The following MYBPC2 variants were observed in gnomAD, a reference collection of about 807,000 sequenced individuals.
MYBPC2 encodes myosin-binding protein C, fast-type.
A neutral mutation model predicts 137.0 loss-of-function variants in MYBPC2; 122 were observed. That is an observed-to-expected ratio of 0.89 (90% CI 0.77 to 1.03). The LOEUF is 1.03. Among genes scored for constraint, MYBPC2 ranks in the 50% least tolerant of loss-of-function variants. The pLI is 0.00. For missense variants in MYBPC2, 1,500 were observed against 1,534.4 expected (o/e 0.98, Z 0.37); for synonymous variants, 626 against 612.3 (o/e 1.02, Z -0.33).
At chr19:50,448,155 G>A in intron 12 of MYBPC2, 70 bp from the exon 13 acceptor site, 6 of 1,511,244 alleles carry the variant, frequency 4.0e-6, no homozygotes, top group Non-Finnish European at 5.3e-6. Context: ...CTGGCACACA[G>A]TGGGTGCTCA....
rs763276401 is a variant in MYBPC2 at position 50,466,231 on chromosome 19, A to G, written c.*26A>G. 6 of 1,613,652 alleles carry G rather than the reference A, an allele frequency of 3.7e-6. No homozygotes were observed. Among genetic ancestry groups the G allele is most frequent in the Admixed American group, 1.7e-5 (1 of 59,976 alleles). On this transcript the variant is annotated 3_prime_UTR_variant, in exon 28 of 28. Transcript: ENST00000357701. The surrounding 1 kb of genome is among the most constrained non-coding windows in gnomAD (Gnocchi z 4.9). ...GACCTGTCCCCTACCTGCCAAGACA[A>G]TTGGTGGTGGAGTCCTGACCCCAAT...
Position 50,458,726 on chromosome 19 carries a change from C to T in MYBPC2, c.2478C>T (p.Ala826=). ...IAGRSEPATL[A]QPVTIREIAE... is the part of the protein sequence containing the mutation. ...GGCGCAGCGAGCCGGCCACCCTGGCCCAGCCGGTCACCATCAGGGAGATTG... is the reference window on the plus strand; with the variant it reads ...GGCGCAGCGAGCCGGCCACCCTGGCTCAGCCGGTCACCATCAGGGAGATTG... The change falls in exon 21 of 28, where the codon GCC becomes GCT. Residue 826 remains alanine, a synonymous_variant. Coordinates refer to ENST00000357701, the MANE Select transcript of MYBPC2 (RefSeq NM_004533.4). 1 of 1,609,016 alleles carries T rather than the reference C, an allele frequency of 6.2e-7. No homozygotes were observed. The highest frequency in any genetic ancestry group is 1.1e-5 in the South Asian group (1 of 91,078).
Position 50,459,093 on chromosome 19 carries a change from C to T in MYBPC2, c.2596-18C>T. The T allele has an allele frequency of 3.2e-6, 5 of 1,552,454 alleles. No individual in the cohort carries two copies. Among genetic ancestry groups the T allele is most frequent in the Non-Finnish European group, 4.4e-6 (5 of 1,148,884 alleles). ...TGGAGCCCCGCTGACCCCACCCCGC[C>T]CCGCCCTCTCCCCGCAGGGAAAGCC... On this transcript the variant is annotated intron_variant, in intron 22 of 27. Transcript: ENST00000357701.
Position 50,436,634 on chromosome 19 carries a change from G to A in MYBPC2, c.363G>A (p.Leu121=), listed in dbSNP as rs1447124845. The A allele has an allele frequency of 6.2e-7, 1 of 1,613,822 alleles. No homozygotes were observed. Among genetic ancestry groups the A allele is most frequent in the Non-Finnish European group, 8.5e-7 (1 of 1,179,826 alleles). Residue 121 remains leucine, a synonymous_variant, in exon 5 of 28, where the codon CTG becomes CTA. Transcript: ENST00000357701. ...GGACCCAGGTGTACACCGTGGAGCT[G>A]CACATTGGGAAGGTGGTACTGGGGG... ...NSASNVYTVE[L]HIGKVVLGDR... is the part of the protein sequence containing the mutation.
chr19:50,464,450 G>A lies in MYBPC2; in HGVS notation c.3333G>A (p.Ser1111=), dbSNP rs1018288243. 1.3e-5 allele frequency: 21 copies of A among 1,611,778 alleles called. No homozygotes were observed. Among genetic ancestry groups the A allele is most frequent in the Admixed American group, 1.7e-5 (1 of 59,676 alleles). The part of the protein sequence containing the change: ...GVLTLNIRRP[S]PFDAGTYTCR... The stretch of plus-strand genomic sequence containing the variant: ...TGACGCTGAACATCCGTCGCCCCTC[G>A]CCCTTCGACGCTGGGACTTACACCT... Residue 1111 remains serine, a synonymous_variant, in exon 27 of 28, where the codon TCG becomes TCA. Coordinates refer to ENST00000357701, the MANE Select transcript of MYBPC2 (RefSeq NM_004533.4).
At position 50,466,103 on chromosome 19, in the gene MYBPC2, C is replaced by A; in HGVS notation, c.3416-92C>A. 6.4e-7 allele frequency: 1 copy of A among 1,560,884 alleles called. No homozygotes were observed. The highest frequency in any genetic ancestry group is 8.7e-7 in the Non-Finnish European group (1 of 1,143,316). ...GGGATGGTGACCGTCATCCTGTCCC[C>A]CTGCTGGTCATGTGGATGCAGCTCC... is the stretch of plus-strand genomic sequence containing the variant. On this transcript the variant is annotated intron_variant, in intron 27 of 27. Transcript: ENST00000357701. The surrounding 1 kb of genome is among the most constrained non-coding windows in gnomAD (Gnocchi z 4.9).
intron 8 of MYBPC2, among the ~76,000 whole-genome samples, 183 bp downstream of exon 8, chr19:50,441,259 G>A (rs1413115048): frequency 6.6e-6 from 1 of 152,136 alleles, no homozygotes; most frequent in Non-Finnish European, 1.5e-5. Context: ...ACAGGGACAG[G>A]GTGGAAGCAG....
chr19:50,434,358 A>G (rs770623709), intron 1 of MYBPC2, among the ~76,000 whole-genome samples: 65 of 152,182 alleles, frequency 4.3e-4, no homozygotes, highest in Non-Finnish European at 7.4e-4. Flanking sequence ...CCCTGCTGGG[A>G]AAAAACAGAA....
chr19:50,437,472 G>A lies in MYBPC2; in HGVS notation c.464-1G>A. 1 of 1,610,372 alleles carries A rather than the reference G, an allele frequency of 6.2e-7. No homozygotes were observed. On this transcript the variant is annotated splice_acceptor_variant, in intron 5 of 27. Coordinates refer to ENST00000357701, the MANE Select transcript of MYBPC2 (RefSeq NM_004533.4). LOFTEE classifies it high-confidence loss of function. ...TCCCTTCTCTCATCACCTCTCCCCA[G>A]CACCCCGTCAGGATGCCTCTGGGCA...
intron 7 of MYBPC2, 132 bp downstream of exon 7, chr19:50,437,850 C>T: frequency 9.6e-7 from 1 of 1,037,372 alleles, no homozygotes; most frequent in Non-Finnish European, 1.4e-6. Context: ...TGTTCACTCC[C>T]TGCCCACCCA....
In MYBPC2 at chr19:50,465,519, G is replaced by A. The variant is rs1472276595; in HGVS notation, c.3416-676G>A. ...CTGAGGACAGCCCAGCAGACAGGGT[G>A]GCTGGGGACCCTTAACAAAGGCTCA... On this transcript the variant is annotated intron_variant, in intron 27 of 27. Coordinates refer to ENST00000357701, the MANE Select transcript of MYBPC2 (RefSeq NM_004533.4). This position sits in a 1 kb window ranked among gnomAD's most constrained non-coding sequence, Gnocchi z 4.5. 6.6e-6 allele frequency among the ~76,000 whole-genome samples: 1 copy of A among 152,166 alleles called. No individual in the cohort carries two copies. Among genetic ancestry groups the A allele is most frequent in the Admixed American group, 6.5e-5 (1 of 15,274 alleles).
At chr19:50,440,827 C>T (rs1053593159) in intron 7 of MYBPC2, 53 bp from the exon 8 acceptor site, 1 of 1,535,908 alleles carries the variant, frequency 6.5e-7, no homozygotes, top group Non-Finnish European at 8.8e-7. Flanking sequence ...GGCAGAGGGA[C>T]ATCCTCCCTT....
chr19:50,460,161 A>G lies in MYBPC2; in HGVS notation c.2913A>G (p.Lys971=). 2 of 1,602,690 alleles carry G rather than the reference A, an allele frequency of 1.2e-6. No individual in the cohort carries two copies. The highest frequency in any genetic ancestry group is 1.7e-6 in the Non-Finnish European group (2 of 1,174,830). Residue 971 remains lysine (K), a synonymous_variant, in exon 24 of 28, where the codon AAA becomes AAG. Transcript: ENST00000357701. ...NSEIMGYFVQ[K]ADKKTMEWFN... ...AGATCATGGGGTATTTCGTCCAGAA[A>G]GCAGACAAAAAAACCATGGTGAGAG...
Position 50,466,046 on chromosome 19 carries a change from G to C in MYBPC2, c.3416-149G>C. The C allele has an allele frequency of 9.4e-7, 1 of 1,061,686 alleles. No homozygotes were observed. The highest frequency in any genetic ancestry group is 1.4e-6 in the Non-Finnish European group (1 of 726,910). 65.8% of individuals were successfully genotyped at this position (1,061,686 alleles called of 1,614,324 possible). A position where few individuals can be genotyped will look rare whatever the true frequency, so the allele number is the denominator to read the frequency against. On this transcript the variant is annotated intron_variant, in intron 27 of 27. Transcript: ENST00000357701. This position sits in a 1 kb window ranked among gnomAD's most constrained non-coding sequence, Gnocchi z 4.9. ...AGTAATCAGGAGCACTGTGACTCTG[G>C]GTTGTCCAGCCACAGTGGCCTAGGA...
rs2039701051 is a variant in MYBPC2, at chr19:50,436,104, G to A, written c.289G>A (p.Gly97Ser). 6.3e-7 allele frequency: 1 copy of A among 1,581,914 alleles called. No individual in the cohort carries two copies. Among genetic ancestry groups the A allele is most frequent in the African/African-American group, 1.3e-5 (1 of 74,282 alleles). Reference protein sequence around the residue: ...KWFKGKWLELGSKSGARFSFK... With the variant: ...KWFKGKWLELSSKSGARFSFK... ...GTTCAAGGGGAAGTGGCTGGAGCTG[G>A]GCAGCAAGAGTGGCGCCCGCTTCTC... Residue 97 changes from glycine to serine, a missense_variant, in exon 4 of 28, where the codon GGC (glycine) becomes AGC (serine). By Grantham distance (56) the Gly-to-Ser change is moderately conservative. Transcript: ENST00000357701.
Position 50,435,306 on chromosome 19 carries a change from C to T in MYBPC2, c.109+56C>T, listed in dbSNP as rs574972701. 11 of 721,328 alleles carry T rather than the reference C, an allele frequency of 1.5e-5. No individual in the cohort carries two copies. Among genetic ancestry groups the T allele is most frequent in the East Asian group, 5.4e-5 (2 of 37,272 alleles). The allele number at this position is 721,328 out of a possible 1,614,324, so 44.7% of individuals were successfully genotyped here. ...CCTGGCTTCTCATCTCCATCCTCCT[C>T]GCTACGCCTCTCCAGGCCTTTCCCC... is the stretch of plus-strand genomic sequence containing the variant. On this transcript the variant is annotated intron_variant, in intron 2 of 27. Transcript: ENST00000357701. This position sits in a 1 kb window ranked among gnomAD's most constrained non-coding sequence, Gnocchi z 4.8.
intron 19 of MYBPC2, 23 bp from the exon 20 acceptor site, chr19:50,455,487 C>T: frequency 6.2e-7 from 1 of 1,607,388 alleles, no homozygotes; most frequent in South Asian, 1.1e-5. Flanking sequence ...CCCCCCATAT[C>T]CTCTTTTTCT....
chr19:50,440,869 C>T lies in MYBPC2; in HGVS notation c.573-11C>T, dbSNP rs919594360. The T allele has an allele frequency of 1.9e-6, 3 of 1,608,680 alleles. No individual in the cohort carries two copies. Among genetic ancestry groups the T allele is most frequent in the Non-Finnish European group, 2.5e-6 (3 of 1,177,132 alleles). On this transcript the variant is annotated splice_polypyrimidine_tract_variant and intron_variant, in intron 7 of 27. Transcript: ENST00000357701. ...TCCCTGATGGCCCCTGTCCGTTCCC[C>T]CACCCGCCAGGGAGGTGGTGGAGGA...
chr19:50,460,326 C>A, intron 24 of MYBPC2, 147 bp downstream of exon 24: 1 of 1,154,764 alleles, frequency 8.7e-7, no homozygotes, highest in Non-Finnish European at 1.2e-6. Flanking sequence ...TTAGCTGAGA[C>A]TTGGCACGTG....
Sources: gnomAD v4.1 joint callset for allele counts (sites outside exome capture counted in the v4.1 genomes callset) on GRCh38, gnomAD v4.1.1 for gene constraint, Gnocchi (gnomAD v3.1) non-coding constraint, MANE v1.5 for transcripts, NCBI Gene and HGNC (gene_info 2026-07-23, HGNC 2026-07-21) for gene names.